Variants in KDM4B observed in about 807,000 individuals in gnomAD.
The protein encoded by KDM4B is lysine-specific demethylase 4B.
KDM4B carries 32 observed loss-of-function variants against 125.2 expected under a neutral mutation model. The observed-to-expected ratio is 0.26, with a 90% confidence interval of 0.19 to 0.34. KDM4B has a LOEUF of 0.34. Ranked by LOEUF, KDM4B falls within the 10% of genes least tolerant of loss-of-function variation. The pLI is 1.00. For missense variants in KDM4B, 1,190 were observed against 1,577.7 expected, an observed-to-expected ratio of 0.75 and a Z score of 4.16; for synonymous variants, 721 against 677.9, an observed-to-expected ratio of 1.06 and a Z score of -0.99.
At chr19:5,080,544 A>C (rs374262148) in intron 8 of KDM4B, 10 of 152,414 alleles carry the variant, frequency 6.6e-5, no homozygotes, top group African/African-American at 2.4e-4. Context: ...ACGTCAGAAC[A>C]CCGCCACCAG....
chr19:5,147,033 G>A (rs1474374489), intron 21 of KDM4B, among the ~76,000 whole-genome samples: 1 of 151,202 alleles, frequency 6.6e-6, no homozygotes, highest in Non-Finnish European at 1.5e-5. Context: ...GTGTGACAGT[G>A]ACAACACCCT....
intron 1 of KDM4B, among the ~76,000 whole-genome samples, chr19:5,004,641 CTG>C (rs1008852248): frequency 5.3e-5 from 8 of 152,216 alleles, no homozygotes; most frequent in African/African-American, 1.7e-4. Context: ...GAACGCTTGA[CTG>C]TGAGATGCAC....
chr19:5,126,483 C>G (rs993830119), intron 11 of KDM4B, among the ~76,000 whole-genome samples: 34 of 152,326 alleles, frequency 2.2e-4, no homozygotes, highest in African/African-American at 8.2e-4. Context: ...GGATGGGGAC[C>G]CAGGAGGGCT....
chr19:4,970,071 AC>A (rs2034200662), intron 1 of KDM4B, among the ~76,000 whole-genome samples: 1 of 151,290 alleles, frequency 6.6e-6, no homozygotes, highest in Non-Finnish European at 1.5e-5. Context: ...GGAGCTGGGG[AC>A]GGACTCGCTC....
intron 11 of KDM4B, among the ~76,000 whole-genome samples, chr19:5,130,413 C>T (rs907105582): frequency 6.6e-6 from 1 of 152,166 alleles, no homozygotes; most frequent in African/African-American, 2.4e-5. Flanking sequence ...AGTCAACTGT[C>T]CCCTCCCTGT....
chr19:5,035,250 G>A lies in KDM4B; in HGVS notation c.141+2219G>A, dbSNP rs967032486. Among the ~76,000 whole-genome samples the A allele has an allele frequency of 6.6e-6, 1 of 152,034 alleles. No homozygotes were observed. Among genetic ancestry groups the A allele is most frequent in the African/African-American group, 2.4e-5 (1 of 41,396 alleles). On this transcript the variant is annotated intron_variant, in intron 3 of 22. Transcript: ENST00000159111. This position sits in a 1 kb window ranked among gnomAD's most constrained non-coding sequence, Gnocchi z 5.3. ...CGTCGCCTCCCTTTATCCTGGCACC[G>A]CATCTGCCTCTGTCTCCTGCCCTTG...
chr19:5,007,011 C>T (rs919792503), intron 1 of KDM4B, among the ~76,000 whole-genome samples: 86 of 151,338 alleles, frequency 5.7e-4, no homozygotes, highest in African/African-American at 1.9e-3. Flanking sequence ...CGAGGCGGGG[C>T]GGGGGTGGTG....
chr19:5,063,806 G>A (rs1186251029), intron 6 of KDM4B, among the ~76,000 whole-genome samples: 1 of 152,242 alleles, frequency 6.6e-6, no homozygotes, highest in Non-Finnish European at 1.5e-5. Flanking sequence ...AGTTAACACG[G>A]CGCAGCACGG....
chr19:5,153,125 G>A lies in KDM4B; in HGVS notation c.*1614G>A, dbSNP rs1279053718. The A allele has an allele frequency of 6.6e-6, 1 of 151,078 alleles. No homozygotes were observed. Among genetic ancestry groups the A allele is most frequent in the Admixed American group, 6.6e-5 (1 of 15,142 alleles). The allele number at this position is 151,078 out of a possible 1,614,324, so 9.4% of individuals were successfully genotyped here. On this transcript the variant is annotated 3_prime_UTR_variant, in exon 23 of 23. Coordinates refer to ENST00000159111, the MANE Select transcript of KDM4B (RefSeq NM_015015.3). ...GGGCTAGAGAGGACTAAGGAAAACA[G>A]AGAGAGTGTTACGCAGGAGCAAGCC...
chr19:5,122,120 A>G (rs1277216040), intron 11 of KDM4B, among the ~76,000 whole-genome samples: 2 of 152,210 alleles, frequency 1.3e-5, no homozygotes, highest in African/African-American at 2.4e-5. Context: ...TCACTGGGCT[A>G]AAATCAAGCT....
At chr19:4,989,249 AG>A (rs529342368) in intron 1 of KDM4B, among the ~76,000 whole-genome samples, 54 of 152,064 alleles carry the variant, frequency 3.6e-4, no homozygotes, top group Middle Eastern at 3.4e-3. Context: ...ATGGTGGGGC[AG>A]GGGGGCCGTG....
intron 9 of KDM4B, among the ~76,000 whole-genome samples, chr19:5,103,557 G>A (rs905623770): frequency 3.3e-5 from 5 of 152,176 alleles, no homozygotes; most frequent in Admixed American, 6.5e-5. Context: ...ACCAGCTGAC[G>A]GGCCAGCCAG....
At chr19:5,086,873 C>G (rs143087242) in intron 9 of KDM4B, among the ~76,000 whole-genome samples, 2,163 of 152,378 alleles carry the variant, frequency 0.014, 58 homozygotes, top group South Asian at 0.067. Context: ...CAGCCCTCAG[C>G]CCAGGTCTGC....
chr19:5,036,677 G>A (rs968880711), intron 3 of KDM4B, among the ~76,000 whole-genome samples: 1 of 152,268 alleles, frequency 6.6e-6, no homozygotes, highest in Non-Finnish European at 1.5e-5. Context: ...GGAGCCCCGT[G>A]TGAGGCACTT....
chr19:4,974,510 G>A (rs866389995), intron 1 of KDM4B, among the ~76,000 whole-genome samples: 5 of 151,934 alleles, frequency 3.3e-5, no homozygotes, highest in African/African-American at 4.8e-5. Flanking sequence ...AGGCCGAGGC[G>A]GGAGGATCAC....
chr19:5,088,300 G>C (rs1350381881), intron 9 of KDM4B, among the ~76,000 whole-genome samples: 5 of 152,172 alleles, frequency 3.3e-5, no homozygotes, highest in Non-Finnish European at 5.9e-5. Context: ...AGCTCTTAGC[G>C]GCTCCTGCAA....
intron 1 of KDM4B, among the ~76,000 whole-genome samples, chr19:4,970,862 C>T (rs1342525285): frequency 6.6e-6 from 1 of 152,198 alleles, no homozygotes; most frequent in Non-Finnish European, 1.5e-5. Flanking sequence ...GACTTGCCAG[C>T]CTCGTCTCCG....
chr19:5,040,468 GGC>G (rs1320190240), intron 4 of KDM4B, among the ~76,000 whole-genome samples: 4 of 152,040 alleles, frequency 2.6e-5, no homozygotes, highest in Middle Eastern at 3.2e-3. Context: ...GGGTACACAT[GGC>G]ACACGCACGT....
intron 7 of KDM4B, among the ~76,000 whole-genome samples, chr19:5,071,782 C>T (rs185758003): frequency 2.0e-4 from 31 of 152,172 alleles, no homozygotes; most frequent in Non-Finnish European, 3.7e-4. Flanking sequence ...CCCATGTCAG[C>T]GCCGGCATCA....
Sources: allele counts gnomAD v4.1 joint callset (sites outside exome capture counted in the v4.1 genomes callset), GRCh38; gene constraint gnomAD v4.1.1; non-coding constraint Gnocchi (gnomAD v3.1); transcripts MANE v1.5; gene names NCBI Gene and HGNC (gene_info 2026-07-23, HGNC 2026-07-21).